The following POLN variants were observed in gnomAD, a reference collection of about 807,000 sequenced individuals.
The protein encoded by POLN is DNA polymerase nu, also known as DNA polymerase N.
In POLN, 108 loss-of-function variants were observed where a neutral mutation model predicts 113.5. The observed-to-expected ratio is 0.95, with a 90% CI of 0.81 to 1.12. The LOEUF (loss-of-function observed/expected upper bound fraction) is 1.12. POLN is among the 50% of genes most tolerant of loss of function. The pLI, the probability that POLN is intolerant of heterozygous loss-of-function variation, is 0.00. For missense variants in POLN, 1,097 were observed against 1,077.1 expected (o/e 1.02, Z -0.26); for synonymous variants, 386 against 391.5 (o/e 0.99, Z 0.17).
At chr4:2,083,584 G>T (rs563795298) in intron 21 of POLN, among the ~76,000 whole-genome samples, 1 of 152,352 alleles carries the variant, frequency 6.6e-6, no homozygotes, top group South Asian at 2.1e-4. Context: ...AGTGCTTCCA[G>T]TGCCAGTGCC....
At chr4:2,079,891 G>A (rs1730363456) in intron 23 of POLN, 1 of 985,456 alleles carries the variant, frequency 1.0e-6, no homozygotes, top group Admixed American at 6.1e-5. Flanking sequence ...AGCCGAGAGT[G>A]AATCTTCTAA....
At chr4:2,202,544 T>G (rs1396462151) in intron 5 of POLN, among the ~76,000 whole-genome samples, 1 of 152,038 alleles carries the variant, frequency 6.6e-6, no homozygotes, top group Non-Finnish European at 1.5e-5. Context: ...GCCAACATGA[T>G]GAAACTCCGT....
intron 5 of POLN, among the ~76,000 whole-genome samples, chr4:2,204,612 C>T (rs1733800656): frequency 6.6e-6 from 1 of 152,148 alleles, no homozygotes; most frequent in African/African-American, 2.4e-5. Flanking sequence ...CACCCTAATA[C>T]CAATACCAGG....
chr4:2,153,588 A>ATT (rs1169222386), intron 16 of POLN, among the ~76,000 whole-genome samples: 2 of 145,848 alleles, frequency 1.4e-5, no homozygotes, highest in Non-Finnish European at 3.0e-5. Flanking sequence ...TATTTGTATA[A>ATT]TTTTTTTTTT....
intron 13 of POLN, among the ~76,000 whole-genome samples, chr4:2,160,192 T>C: frequency 6.6e-6 from 1 of 152,370 alleles, no homozygotes; most frequent in East Asian, 1.9e-4. Flanking sequence ...TAGTTTGTTA[T>C]CTCCCCAGTG....
intron 16 of POLN, among the ~76,000 whole-genome samples, chr4:2,151,263 C>T (rs2108737171): frequency 6.6e-6 from 1 of 152,296 alleles, no homozygotes; most frequent in East Asian, 1.9e-4. Flanking sequence ...TGCAATGAGA[C>T]ACCACAAGAC....
chr4:2,240,469 T>A, intron 2 of POLN: 3 of 1,613,868 alleles, frequency 1.9e-6, no homozygotes, highest in Non-Finnish European at 2.5e-6. Flanking sequence ...CTGATCTTAG[T>A]GATCATTGCA....
intron 20 of POLN, 47 bp downstream of exon 20, chr4:2,095,804 C>T: frequency 1.3e-6 from 2 of 1,540,368 alleles, no homozygotes; most frequent in Non-Finnish European, 1.8e-6. Context: ...ACACAGCTGC[C>T]AGCTTACAGG....
intron 19 of POLN, among the ~76,000 whole-genome samples, chr4:2,110,233 C>A (rs1002292391): frequency 1.3e-5 from 2 of 151,996 alleles, no homozygotes; most frequent in African/African-American, 4.8e-5. Flanking sequence ...GGGACACATT[C>A]AAAGCAGTGT....
intron 19 of POLN, among the ~76,000 whole-genome samples, chr4:2,110,210 T>C (rs1731157614): frequency 6.6e-6 from 1 of 152,156 alleles, no homozygotes; most frequent in Non-Finnish European, 1.5e-5. Context: ...AGACACAACA[T>C]ACCAGAATCT....
At chr4:2,090,393 T>C in intron 20 of POLN, 1 of 640,348 alleles carries the variant, frequency 1.6e-6, no homozygotes. Context: ...CTTGATTAAA[T>C]CCACTGAGCT....
intron 16 of POLN, among the ~76,000 whole-genome samples, chr4:2,147,513 C>T (rs1389195890): frequency 1.3e-5 from 2 of 152,096 alleles, no homozygotes; most frequent in African/African-American, 4.8e-5. Flanking sequence ...AAGAGGGTGA[C>T]AGTCCAGCAT....
chr4:2,222,952 A>T (rs992374974), intron 3 of POLN, among the ~76,000 whole-genome samples: 2 of 152,162 alleles, frequency 1.3e-5, no homozygotes, highest in Admixed American at 6.5e-5. Flanking sequence ...CTCCAAAATC[A>T]CATGTCTACT....
rs1046514545 is a variant in POLN, at chr4:2,111,496, G to A, written c.1983-15563C>T. Among the ~76,000 whole-genome samples the A allele has an allele frequency of 2.6e-4, 39 of 152,234 alleles. 2 individuals carry two copies. The highest frequency in any genetic ancestry group is 4.4e-4 in the Non-Finnish European group (30 of 68,040). On this transcript the variant is annotated intron_variant, in intron 19 of 25. Coordinates refer to ENST00000511885, the MANE Select transcript of POLN (RefSeq NM_181808.4). ...GATTGTATATCTAGAAAACCCCATC[G>A]TCTCAGCCCAAAATCTCCTTCAGCT...
intron 4 of POLN, among the ~76,000 whole-genome samples, chr4:2,211,235 C>G (rs947624126): frequency 1.4e-5 from 2 of 145,048 alleles, no homozygotes; most frequent in African/African-American, 5.1e-5. Context: ...GGTGACAGAG[C>G]GAGACTCCGT....
intron 4 of POLN, among the ~76,000 whole-genome samples, chr4:2,212,720 C>T (rs1734022459): frequency 6.6e-6 from 1 of 152,122 alleles, no homozygotes; most frequent in South Asian, 2.1e-4. Flanking sequence ...CAATAGATCT[C>T]AACTCAGATA....
chr4:2,150,178 A>G (rs1241956842), intron 16 of POLN, among the ~76,000 whole-genome samples: 4 of 152,160 alleles, frequency 2.6e-5, no homozygotes, highest in Admixed American at 2.6e-4. Flanking sequence ...TTTAAAAGTA[A>G]AAGAATAGAA....
chr4:2,239,009 G>C lies in POLN; in HGVS notation c.-13+2511C>G, dbSNP rs185970300. 1.3e-5 allele frequency: 20 copies of C among 1,543,364 alleles called. No individual in the cohort carries two copies. In the East Asian group the frequency reaches 4.3e-4, roughly 33 times the overall value. On this transcript the variant is annotated intron_variant, in intron 2 of 25. Coordinates refer to ENST00000511885, the MANE Select transcript of POLN (RefSeq NM_181808.4). ...TTTCATAATCTCACTGGTCAAGCTA[G>C]AAATTTTAGCATCCAAATTTTCTTT...
intron 3 of POLN, chr4:2,227,897 T>C (rs1376394802): frequency 6.6e-6 from 1 of 152,170 alleles, no homozygotes. Context: ...CAAAAAAATA[T>C]GGAATAATGT....
Sources: allele counts gnomAD v4.1 joint callset (sites outside exome capture counted in the v4.1 genomes callset), GRCh38; gene constraint gnomAD v4.1.1; transcripts MANE v1.5; gene names NCBI Gene and HGNC (gene_info 2026-07-23, HGNC 2026-07-21).